The following UBR3 variants were observed in gnomAD, a reference collection of about 807,000 sequenced individuals.
UBR3 encodes the protein E3 ubiquitin-protein ligase UBR3.
A neutral mutation model predicts 243.2 loss-of-function variants in UBR3; 85 were observed. The observed-to-expected ratio is 0.35, with a 90% CI of 0.29 to 0.42. The LOEUF (loss-of-function observed/expected upper bound fraction) is 0.42, where lower values mean the gene tolerates loss of function less well. Among genes scored for constraint, UBR3 ranks in the 10% least tolerant of loss-of-function variants. The pLI, the probability that UBR3 is intolerant of heterozygous loss-of-function variation, is 1.00. For synonymous variants in UBR3, 748 were observed against 799.8 expected, an observed-to-expected ratio of 0.94 and a Z score of 1.09; for missense variants, 1,686 against 2,300.8, an observed-to-expected ratio of 0.73 and a Z score of 5.47.
At chr2:169,842,470 C>G (rs1486664284) in intron 1 of UBR3, among the ~76,000 whole-genome samples, 3 of 152,148 alleles carry the variant, frequency 2.0e-5, no homozygotes, top group East Asian at 3.9e-4. Flanking sequence ...CCCTTCCACA[C>G]TGTGGAAGCT....
rs190802149 is a variant in UBR3, at chr2:169,859,292, C to G, written c.546-12944C>G. On this transcript the variant is annotated intron_variant, in intron 1 of 38. Coordinates refer to ENST00000272793, the MANE Select transcript of UBR3 (RefSeq NM_172070.4). ...TTCACCGTGCTAGCCAGGATGGTCT[C>G]GATCTCCTGACCTCGTGATCCACCC... Among the ~76,000 whole-genome samples the G allele has an allele frequency of 2.6e-5, 4 of 152,084 alleles. No homozygotes were observed. In the East Asian group the frequency reaches 7.7e-4, roughly 29 times the overall value.
chr2:169,873,301 C>A (rs530372412), intron 2 of UBR3, among the ~76,000 whole-genome samples: 61 of 152,224 alleles, frequency 4.0e-4, no homozygotes, highest in Admixed American at 2.9e-3. Context: ...CATTATACTT[C>A]CTTATTTGTA....
intron 32 of UBR3, among the ~76,000 whole-genome samples, chr2:170,054,150 C>T (rs573366042): frequency 1.3e-5 from 2 of 152,244 alleles, no homozygotes; most frequent in East Asian, 3.9e-4. Flanking sequence ...TTATTTGAGA[C>T]AGGCTCTCAC....
chr2:170,069,134 G>T (rs1330883467), intron 35 of UBR3, among the ~76,000 whole-genome samples: 1 of 151,886 alleles, frequency 6.6e-6, no homozygotes, highest in Admixed American at 6.6e-5. Context: ...AATTTATAAG[G>T]CCAGTTTTAT....
chr2:169,859,950 C>A (rs898669801), intron 1 of UBR3, among the ~76,000 whole-genome samples: 11 of 152,108 alleles, frequency 7.2e-5, no homozygotes, highest in African/African-American at 2.7e-4. Flanking sequence ...ATCTCCTGAC[C>A]TTGTGATCCA....
chr2:170,050,514 C>T (rs966895347), intron 32 of UBR3, among the ~76,000 whole-genome samples: 4 of 152,148 alleles, frequency 2.6e-5, no homozygotes, highest in East Asian at 1.9e-4. Context: ...AAAGAAACTA[C>T]AGGTAGTTTG....
At chr2:170,018,940 G>A (rs1473770484) in intron 30 of UBR3, among the ~76,000 whole-genome samples, 1 of 152,158 alleles carries the variant, frequency 6.6e-6, no homozygotes, top group Non-Finnish European at 1.5e-5. Flanking sequence ...GATATTCTCA[G>A]TGTATTTCTC....
At chr2:169,855,504 G>A (rs1233320154) in intron 1 of UBR3, among the ~76,000 whole-genome samples, 11 of 151,926 alleles carry the variant, frequency 7.2e-5, no homozygotes, top group Admixed American at 3.9e-4. Flanking sequence ...GCCGCCTTCC[G>A]CAGTGTTTGT....
intron 28 of UBR3, among the ~76,000 whole-genome samples, chr2:170,007,720 C>G (rs2089964866): frequency 6.6e-6 from 1 of 152,160 alleles, no homozygotes; most frequent in East Asian, 1.9e-4. Flanking sequence ...AAAAATTGGC[C>G]GGGCACAGTG....
chr2:169,958,562 T>TAG (rs2087419030), intron 24 of UBR3, 36 bp downstream of exon 24: 1 of 1,566,272 alleles, frequency 6.4e-7, no homozygotes, highest in African/African-American at 1.4e-5. Flanking sequence ...CTCTCATAAT[T>TAG]ATACTTATTA....
intron 32 of UBR3, among the ~76,000 whole-genome samples, chr2:170,052,839 C>T (rs930046890): frequency 5.3e-5 from 8 of 152,136 alleles, no homozygotes; most frequent in Non-Finnish European, 1.0e-4. Context: ...TAAGTATTCT[C>T]AGTGCACACA....
At chr2:169,961,958 T>C (rs1345459312) in intron 24 of UBR3, among the ~76,000 whole-genome samples, 1 of 151,464 alleles carries the variant, frequency 6.6e-6, no homozygotes, top group African/African-American at 2.4e-5. Flanking sequence ...TGATGCCCTG[T>C]GTAGTCTTCT....
intron 29 of UBR3, among the ~76,000 whole-genome samples, chr2:170,012,974 G>A (rs899877223): frequency 2.0e-5 from 3 of 152,158 alleles, no homozygotes; most frequent in Non-Finnish European, 4.4e-5. Flanking sequence ...CACTAGGGTA[G>A]GCTTTAAACA....
Position 169,827,587 on chromosome 2 carries a change from A to G in UBR3, c.80A>G (p.Asp27Gly). The change falls in exon 1 of 39, where the codon GAC becomes GGC. Residue 27 changes from aspartate (D) to glycine (G), a missense_variant. By Grantham distance (94) the Asp-to-Gly change is moderately conservative. This residue lies in a region of UBR3 where 79 missense variants were observed against 73.2 expected (regional missense o/e 1.08). Coordinates refer to ENST00000272793, the MANE Select transcript of UBR3 (RefSeq NM_172070.4). ...CTGCCCGCGCCGGGGCTGGCCCTAG[A>G]CAAGGCGGCCACCGCCGCGCACCTC... The part of the protein sequence containing the change: ...PELPAPGLAL[D>G]KAATAAHLKA... 8.0e-7 allele frequency: 1 copy of G among 1,252,382 alleles called. No individual in the cohort carries two copies. The highest frequency in any genetic ancestry group is 1.0e-6 in the Non-Finnish European group (1 of 1,001,428). The allele number at this position is 1,252,382 out of a possible 1,614,324, so 77.6% of individuals were successfully genotyped here.
chr2:169,856,648 C>G (rs888851173), intron 1 of UBR3, among the ~76,000 whole-genome samples: 3 of 152,308 alleles, frequency 2.0e-5, no homozygotes, highest in Admixed American at 1.3e-4. Context: ...CCGGCCAACA[C>G]GGCGAAACCC....
Position 170,048,207 on chromosome 2 carries a change from G to A in UBR3, c.4660+7222G>A, listed in dbSNP as rs370564244. On this transcript the variant is annotated intron_variant, in intron 32 of 38. Coordinates refer to ENST00000272793, the MANE Select transcript of UBR3 (RefSeq NM_172070.4). ...AATCACATTTAGCCAATCATCTGGG[G>A]TTGCAACTGAACTCCCCTGTCCCTC... Among the ~76,000 whole-genome samples the A allele has an allele frequency of 2.2e-4, 34 of 152,058 alleles. No individual in the cohort carries two copies. The East Asian group carries it at 4.2e-3, about 19-fold the overall frequency.
chr2:170,030,196 G>A (rs1262776355), intron 31 of UBR3, among the ~76,000 whole-genome samples: 1 of 151,916 alleles, frequency 6.6e-6, no homozygotes, highest in Non-Finnish European at 1.5e-5. Flanking sequence ...TTGTACTTTT[G>A]ACATGAGCCA....
rs1001392944 is a variant in UBR3 at position 170,007,304 on chromosome 2, C to G, written c.4230+114C>G. On this transcript the variant is annotated intron_variant, in intron 28 of 38. Transcript: ENST00000272793. ...ACTTTTACATATTTAGTAGAAATTG[C>G]TTTTAGAGGTTTTGTTCTCTTCTAT... The G allele has an allele frequency of 7.8e-6, 9 of 1,150,660 alleles. No homozygotes were observed. In the African/African-American group the frequency reaches 1.4e-4, roughly 18 times the overall value. The allele number at this position is 1,150,660 out of a possible 1,614,324, so 71.3% of individuals were successfully genotyped here. A position where few individuals can be genotyped will look rare whatever the true frequency, so the allele number is the denominator to read the frequency against.
chr2:169,836,067 A>ATT lies in UBR3; in HGVS notation c.545+8040_545+8041dup, dbSNP rs60845808. On this transcript the variant is annotated intron_variant, in intron 1 of 38. Coordinates refer to ENST00000272793, the MANE Select transcript of UBR3 (RefSeq NM_172070.4). Reference sequence around the variant, plus strand: ...TCTATATATATATATATATATATATATTTTTTTTTTTTTTTTTTTTTTTTT... The same window carrying ATT: ...TCTATATATATATATATATATATATATTTTTTTTTTTTTTTTTTTTTTTTTTT... Among the ~76,000 whole-genome samples, 48 of 32,666 alleles carry ATT rather than the reference A, an allele frequency of 1.5e-3. 6 individuals are homozygous for ATT. Among genetic ancestry groups the ATT allele is most frequent in the African/African-American group, 2.9e-3 (24 of 8,392 alleles). The allele number at this position is 32,666 out of a possible 152,430, so 21.4% of individuals were successfully genotyped here.
Sources: gnomAD v4.1 joint callset for allele counts (sites outside exome capture counted in the v4.1 genomes callset) on GRCh38, gnomAD v4.1.1 for gene constraint, gnomAD v4.1.1 regional missense constraint, MANE v1.5 for transcripts, NCBI Gene and HGNC (gene_info 2026-07-23, HGNC 2026-07-21) for gene names.